PIP4K2B: variants seen among roughly 807,000 people sequenced by gnomAD.
PIP4K2B encodes the protein phosphatidylinositol 5-phosphate 4-kinase type-2 beta.
PIP4K2B carries 3 observed loss-of-function variants against 42.0 expected under a neutral mutation model. That is an observed-to-expected ratio of 0.07 (90% CI 0.03 to 0.18). PIP4K2B has a LOEUF of 0.18. Among genes scored for constraint, PIP4K2B ranks in the 10% least tolerant of loss-of-function variants. The pLI is 1.00. For synonymous variants in PIP4K2B, 204 were observed against 210.1 expected (o/e 0.97, Z 0.25); for missense variants, 332 against 562.3 (o/e 0.59, Z 4.14).
intron 7 of PIP4K2B, chr17:38,776,164 T>G: frequency 2.8e-6 from 1 of 360,186 alleles, no homozygotes; most frequent in South Asian, 2.0e-5. Context: ...GAGACTGGGT[T>G]TCTCCATGTT....
In PIP4K2B at chr17:38,777,738, C is replaced by T. The variant is rs1163856548; in HGVS notation, c.756G>A (p.Val252=). The change falls in exon 7 of 10, where the codon GTG becomes GTA. Residue 252 remains valine (V), a synonymous_variant. Transcript: ENST00000619039. ...DFLNEGQKLH[V]GEESKKNFLE... ...GGAAGTTCTTTTTACTCTCCTCTCC[C>T]ACATGCAGCTTCTGCCCTTCATTGA... The T allele has an allele frequency of 1.2e-6, 2 of 1,614,200 alleles. No homozygotes were observed. The highest frequency in any genetic ancestry group is 1.7e-6 in the Non-Finnish European group (2 of 1,180,008).
At chr17:38,777,633 C>T in intron 7 of PIP4K2B, 54 bp downstream of exon 7, 10 of 1,136,754 alleles carry the variant, frequency 8.8e-6, no homozygotes, top group Non-Finnish European at 1.3e-5. Flanking sequence ...TTAAGAGGCG[C>T]CTACTCTAGG....
rs1201514422 is a variant in PIP4K2B, at chr17:38,799,146, A to G, written c.159+120T>C. 6.2e-5 allele frequency: 66 copies of G among 1,073,166 alleles called. No homozygotes were observed. In the Admixed American group the frequency reaches 2.2e-3, roughly 36 times the overall value. The allele number at this position is 1,073,166 out of a possible 1,614,324, so 66.5% of individuals were successfully genotyped here. On this transcript the variant is annotated intron_variant, in intron 1 of 9. Coordinates refer to ENST00000619039, the MANE Select transcript of PIP4K2B (RefSeq NM_003559.5). This position sits in a 1 kb window ranked among gnomAD's most constrained non-coding sequence, Gnocchi z 4.4. ...CGTGCAAGGGTGGGGTGGGCGTGCA[A>G]GTGGCTTGGCGAGGGGTGGCAGGCG...
intron 9 of PIP4K2B, among the ~76,000 whole-genome samples, chr17:38,770,165 G>A (rs1297194822): frequency 6.6e-6 from 1 of 152,232 alleles, no homozygotes; most frequent in African/African-American, 2.4e-5. Context: ...GGCCCAGCAG[G>A]CCCTGGGGAA....
At chr17:38,774,358 T>C (rs1169972059) in intron 7 of PIP4K2B, among the ~76,000 whole-genome samples, 1 of 152,210 alleles carries the variant, frequency 6.6e-6, no homozygotes, top group Admixed American at 6.5e-5. Flanking sequence ...GAACTCCTTC[T>C]GCCTGGTGGC....
chr17:38,791,367 T>C (rs1278421160), intron 1 of PIP4K2B, among the ~76,000 whole-genome samples: 2 of 150,532 alleles, frequency 1.3e-5, no homozygotes, highest in Non-Finnish European at 3.0e-5. Flanking sequence ...CTGCTTAGCC[T>C]GGCATTCAAG....
chr17:38,769,101 T>A lies in PIP4K2B; in HGVS notation c.*590A>T, dbSNP rs1373856619. 2 of 152,712 alleles carry A rather than the reference T, an allele frequency of 1.3e-5. No homozygotes were observed. The highest frequency in any genetic ancestry group is 1.3e-4 in the Admixed American group (2 of 15,358). The allele number at this position is 152,712 out of a possible 1,614,324, so 9.5% of individuals were successfully genotyped here. A position where few individuals can be genotyped will look rare whatever the true frequency, so the allele number is the denominator to read the frequency against. On this transcript the variant is annotated 3_prime_UTR_variant, in exon 10 of 10. Transcript: ENST00000619039. ...AATCCAAGGGAAAGGTGGAGGAAGTTGTGCACAATACTCCATAAATTACAA... is the reference window on the plus strand; with the variant it reads ...AATCCAAGGGAAAGGTGGAGGAAGTAGTGCACAATACTCCATAAATTACAA...
intron 3 of PIP4K2B, among the ~76,000 whole-genome samples, chr17:38,783,077 C>T (rs1449973134): frequency 6.6e-6 from 1 of 151,102 alleles, no homozygotes; most frequent in East Asian, 2.0e-4. Context: ...CGCCTGTAAT[C>T]CCAGCTACTC....
At chr17:38,771,546 CAAAAAAAAAAA>C (rs58817119) in intron 7 of PIP4K2B, among the ~76,000 whole-genome samples, 1 of 39,772 alleles carries the variant, frequency 2.5e-5, no homozygotes, top group Admixed American at 3.4e-4. Flanking sequence ...GAGATGGTCT[CAAAAAAAAAAA>C]AAAAAAAAAA....
chr17:38,781,037 C>T (rs1426076651), intron 3 of PIP4K2B, among the ~76,000 whole-genome samples: 1 of 152,146 alleles, frequency 6.6e-6, no homozygotes, highest in Admixed American at 6.5e-5. Context: ...CTGATTCTCC[C>T]AGTCTCTTGG....
intron 1 of PIP4K2B, among the ~76,000 whole-genome samples, chr17:38,795,091 C>G (rs1373573737): frequency 2.8e-4 from 20 of 72,280 alleles, no homozygotes; most frequent in Non-Finnish European, 3.7e-4. Context: ...CAGAGCAAAA[C>G]TCCATCTCAA....
At position 38,786,998 on chromosome 17, in the gene PIP4K2B, C is replaced by T. The variant is rs972582104; in HGVS notation, c.160-78G>A. ...AGACACTAAGCTACAATGTGGATGC[C>T]ACAATCTTGCTAAAAGCATGTCCAA... On this transcript the variant is annotated intron_variant, in intron 1 of 9. Transcript: ENST00000619039. 8 of 903,530 alleles carry T rather than the reference C, an allele frequency of 8.9e-6. No individual in the cohort carries two copies. In the African/African-American group the frequency reaches 1.1e-4, roughly 13 times the overall value. The allele number at this position is 903,530 out of a possible 1,614,324, so 56.0% of individuals were successfully genotyped here.
Position 38,799,137 on chromosome 17 carries a change from G to A in PIP4K2B, c.159+129C>T. On this transcript the variant is annotated intron_variant, in intron 1 of 9. Transcript: ENST00000619039. The surrounding 1 kb of genome is among the most constrained non-coding windows in gnomAD (Gnocchi z 4.4). Reference sequence around the variant, plus strand: ...GCCGAAAGGCGTGCAAGGGTGGGGTGGGCGTGCAAGTGGCTTGGCGAGGGG... The same window carrying A: ...GCCGAAAGGCGTGCAAGGGTGGGGTAGGCGTGCAAGTGGCTTGGCGAGGGG... 3.2e-6 allele frequency: 3 copies of A among 937,642 alleles called. No individual in the cohort carries two copies. Among genetic ancestry groups the A allele is most frequent in the Non-Finnish European group, 3.0e-6 (2 of 666,426 alleles). 58.1% of individuals were successfully genotyped at this position (937,642 alleles called of 1,614,324 possible).
At chr17:38,790,605 C>T (rs1351351168) in intron 1 of PIP4K2B, among the ~76,000 whole-genome samples, 1 of 152,150 alleles carries the variant, frequency 6.6e-6, no homozygotes. Context: ...ATTACAGGCG[C>T]ATGTCACCAT....
rs539774343 is a variant in PIP4K2B, at chr17:38,776,775, C to T, written c.807+912G>A. The T allele has an allele frequency of 2.3e-4, 75 of 331,202 alleles. 1 individual carries two copies. The highest frequency in any genetic ancestry group is 1.3e-3 in the African/African-American group (61 of 46,566). The allele number at this position is 331,202 out of a possible 1,614,324, so 20.5% of individuals were successfully genotyped here. A position where few individuals can be genotyped will look rare whatever the true frequency, so the allele number is the denominator to read the frequency against. ...CTCAATTTATTAAAAGAGAAGGAGA[C>T]GCTGAGTTATCAAGTGGTCCAGATA... On this transcript the variant is annotated intron_variant, in intron 7 of 9. Transcript: ENST00000619039.
At chr17:38,794,353 T>A (rs1342605273) in intron 1 of PIP4K2B, among the ~76,000 whole-genome samples, 1 of 151,872 alleles carries the variant, frequency 6.6e-6, no homozygotes, top group Non-Finnish European at 1.5e-5. Flanking sequence ...TTGGTAGGCA[T>A]AAAGTTTCAT....
intron 7 of PIP4K2B, among the ~76,000 whole-genome samples, chr17:38,777,270 GC>G (rs1054032006): frequency 2.2e-4 from 34 of 152,098 alleles, no homozygotes; most frequent in African/African-American, 7.7e-4. Flanking sequence ...TTGCTATGTT[GC>G]CTAGGCTGGT....
Position 38,779,467 on chromosome 17 carries a change from G to A in PIP4K2B, c.570C>T (p.Thr190=), listed in dbSNP as rs1309097639. Residue 190 remains threonine (T), a synonymous_variant, in exon 5 of 10, where the codon ACC becomes ACT. Coordinates refer to ENST00000619039, the MANE Select transcript of PIP4K2B (RefSeq NM_003559.5). ...CCATGTAGGTTTCCACACCATCCAC[G>A]GTCAGGCGGTACATGCCCAGGAACT... ...LPQFLGMYRL[T]VDGVETYMVV... The A allele has an allele frequency of 9.3e-6, 15 of 1,613,856 alleles. No individual in the cohort carries two copies. Among genetic ancestry groups the A allele is most frequent in the East Asian group, 6.7e-5 (3 of 44,892 alleles).
chr17:38,795,788 CCAGT>C (rs1225122973), intron 1 of PIP4K2B, among the ~76,000 whole-genome samples: 6 of 151,060 alleles, frequency 4.0e-5, no homozygotes, highest in Admixed American at 3.3e-4. Context: ...GTACAAATGG[CCAGT>C]AAGTACATGA....
Sources: allele counts gnomAD v4.1 joint callset (sites outside exome capture counted in the v4.1 genomes callset), GRCh38; gene constraint gnomAD v4.1.1; non-coding constraint Gnocchi (gnomAD v3.1); transcripts MANE v1.5; gene names NCBI Gene and HGNC (gene_info 2026-07-23, HGNC 2026-07-21).